RFPL1: variants seen among roughly 807,000 people sequenced by gnomAD.
The protein encoded by RFPL1 is ret finger protein-like 1.
A neutral mutation model predicts 9.6 loss-of-function variants in RFPL1; 6 were observed. The ratio of observed to expected loss-of-function variants is 0.62; its 90% CI spans 0.34 to 1.23. The LOEUF (loss-of-function observed/expected upper bound fraction) is 1.23, where lower values mean the gene tolerates loss of function less well. Ranked by LOEUF, RFPL1 falls within the 50% of genes most tolerant of loss-of-function variation. The probability of loss-of-function intolerance (pLI) is 0.03; values close to 1 mark genes in which losing one functional copy is unlikely to be tolerated. For synonymous variants in RFPL1, 145 were observed against 149.4 expected, an observed-to-expected ratio of 0.97 and a Z score of 0.22; for missense variants, 352 against 398.4, an observed-to-expected ratio of 0.88 and a Z score of 0.99.
exon 1 of RFPL1, chr22:29,438,870 G>C: frequency 1.2e-6 from 2 of 1,613,898 alleles, no homozygotes; most frequent in Non-Finnish European, 1.7e-6. Flanking sequence ...TTTTCCCCTG[G>C]CAGTGGACAT....
exon 1 of RFPL1, chr22:29,438,774 GAC>G: frequency 6.2e-7 from 1 of 1,606,874 alleles, no homozygotes; most frequent in Non-Finnish European, 8.5e-7. Flanking sequence ...ACAAAGCTGG[GAC>G]ACAATACCTT....
At position 29,438,789 on chromosome 22, in the gene RFPL1, T is replaced by C. The variant is rs1447247681; in HGVS notation, c.-3T>C. On this transcript the variant is annotated 5_prime_UTR_variant, in exon 1 of 2. An upstream start codon of the reference 5' UTR is lost. Transcript: ENST00000354373. ...ACAAAGCTGGGACACAATACCTTTATGCATGAAAAGGTTGTCACTTGTCAC... is the reference window on the plus strand; with the variant it reads ...ACAAAGCTGGGACACAATACCTTTACGCATGAAAAGGTTGTCACTTGTCAC... 7.4e-6 allele frequency: 12 copies of C among 1,612,010 alleles called. No individual in the cohort carries two copies. In the Admixed American group the frequency reaches 1.5e-4, roughly 20 times the overall value.
At chr22:29,435,158 C>T (rs1179735674), upstream of RFPL1, among the ~76,000 whole-genome samples, 4 of 152,204 alleles carry the variant, frequency 2.6e-5, no homozygotes, top group African/African-American at 4.8e-5. Flanking sequence ...TAAGAAATTG[C>T]CTTTTAAATA....
At chr22:29,437,474 C>T, upstream of RFPL1, 1 of 798,900 alleles carries the variant, frequency 1.3e-6, no homozygotes, top group Non-Finnish European at 2.0e-6. Context: ...TTAATCTTAT[C>T]TTCATATGAA....
upstream of RFPL1, among the ~76,000 whole-genome samples, chr22:29,433,794 C>A (rs1373274051): frequency 6.6e-6 from 1 of 152,084 alleles, no homozygotes; most frequent in Non-Finnish European, 1.5e-5. Context: ...CCACCAGTGG[C>A]TATGGGGCCC....
chr22:29,438,179 CTTTT>C (rs60607519), upstream of RFPL1: 44 of 94,840 alleles, frequency 4.6e-4, no homozygotes, highest in African/African-American at 1.7e-3. Context: ...CAGTCCCTCT[CTTTT>C]TTTTTTTTTT....
the RFPL1 span, among the ~76,000 whole-genome samples, chr22:29,395,511 C>T: frequency 4.0e-5 from 6 of 151,458 alleles, no homozygotes; most frequent in Admixed American, 2.6e-4. Context: ...CCAGCCTTTG[C>T]CTCCAGCTCT....
chr22:29,417,293 G>A, the RFPL1 span, among the ~76,000 whole-genome samples: 8 of 151,936 alleles, frequency 5.3e-5, no homozygotes, highest in Non-Finnish European at 1.0e-4. Flanking sequence ...CTTTGTCCTG[G>A]AAGGAATCTG....
At chr22:29,391,741 G>T in the RFPL1 span, among the ~76,000 whole-genome samples, 1 of 152,334 alleles carries the variant, frequency 6.6e-6, no homozygotes, top group African/African-American at 2.4e-5. Context: ...CCAGAGAAAA[G>T]AACTGTGCCG....
At chr22:29,388,876 TTTTG>T in the RFPL1 span, among the ~76,000 whole-genome samples, 3 of 152,018 alleles carry the variant, frequency 2.0e-5, no homozygotes, top group Admixed American at 6.6e-5. Flanking sequence ...GTCACTCATT[TTTTG>T]TTTGTTTGTT....
chr22:29,427,110 G>A, the RFPL1 span, among the ~76,000 whole-genome samples: 7 of 152,334 alleles, frequency 4.6e-5, no homozygotes, highest in South Asian at 4.1e-4. Flanking sequence ...TTTATCTGCC[G>A]CAAGGTGGCT....
At chr22:29,441,247 T>G in intron 1 of RFPL1, 5 of 413,170 alleles carry the variant, frequency 1.2e-5, no homozygotes, top group South Asian at 4.3e-5. Context: ...AGAAAGGGGG[T>G]CATGGTGTCT....
At chr22:29,414,069 A>C in the RFPL1 span, among the ~76,000 whole-genome samples, 2 of 152,150 alleles carry the variant, frequency 1.3e-5, no homozygotes, top group Non-Finnish European at 2.9e-5. Context: ...TTCTTGCATA[A>C]ATTTCTTTTT....
At chr22:29,436,316 G>T (rs1427844567), upstream of RFPL1, among the ~76,000 whole-genome samples, 1 of 151,932 alleles carries the variant, frequency 6.6e-6, no homozygotes, top group Non-Finnish European at 1.5e-5. Flanking sequence ...AATAAATACA[G>T]GCGGTGGCTC....
chr22:29,407,078 TTTGTGTGTG>T, the RFPL1 span, among the ~76,000 whole-genome samples: 5 of 56,042 alleles, frequency 8.9e-5, no homozygotes, highest in African/African-American at 4.2e-4. Flanking sequence ...GAGTTGTTCT[TTTGTGTGTG>T]TGTGTGTGTG....
the RFPL1 span, among the ~76,000 whole-genome samples, chr22:29,399,994 C>CT: frequency 7.2e-3 from 839 of 116,252 alleles, 7 homozygotes; most frequent in East Asian, 0.015. Context: ...CTTTTCTTTT[C>CT]TTTTTTTTTT....
the RFPL1 span, chr22:29,388,733 G>A: frequency 6.6e-6 from 1 of 152,346 alleles, no homozygotes; most frequent in Non-Finnish European, 1.5e-5. Context: ...GTCTCCCGCA[G>A]AGCCCTTGGG....
the RFPL1 span, among the ~76,000 whole-genome samples, chr22:29,401,922 G>C: frequency 0.01 from 1,543 of 152,236 alleles, 24 homozygotes; most frequent in African/African-American, 0.035. Context: ...CTAAGCCTTT[G>C]TTTGCTCATC....
At chr22:29,427,230 G>A in the RFPL1 span, among the ~76,000 whole-genome samples, 1 of 152,242 alleles carries the variant, frequency 6.6e-6, no homozygotes, top group Non-Finnish European at 1.5e-5. Context: ...GCTGGGAAGT[G>A]CATCTCCCAA....
Sources: allele counts gnomAD v4.1 joint callset (sites outside exome capture counted in the v4.1 genomes callset), GRCh38; gene constraint gnomAD v4.1.1; transcripts MANE v1.5; gene names NCBI Gene and HGNC (gene_info 2026-07-23, HGNC 2026-07-21).